CTPS1: variants seen among roughly 807,000 people sequenced by gnomAD.
The protein encoded by CTPS1 is CTP synthetase 1.
CTPS1 carries 25 observed loss-of-function variants against 80.5 expected under a neutral mutation model. The observed-to-expected ratio is 0.31, with a 90% CI of 0.23 to 0.43. The LOEUF is 0.43. Ranked by LOEUF, CTPS1 falls within the 20% of genes least tolerant of loss-of-function variation. CTPS1 has a pLI of 1.00. For missense variants in CTPS1, 442 were observed against 725.7 expected, an observed-to-expected ratio of 0.61 and a Z score of 4.49; for synonymous variants, 267 against 252.5, an observed-to-expected ratio of 1.06 and a Z score of -0.54.
intron 9 of CTPS1, among the ~76,000 whole-genome samples, chr1:40,998,480 G>A (rs1478069107): frequency 2.0e-5 from 3 of 151,010 alleles, no homozygotes; most frequent in Admixed American, 6.6e-5. Flanking sequence ...ATCTACAAGC[G>A]GTGAGACCTA....
chr1:41,003,804 C>T (rs11580414), intron 12 of CTPS1, among the ~76,000 whole-genome samples: 1 of 152,246 alleles, frequency 6.6e-6, no homozygotes, highest in Non-Finnish European at 1.5e-5. Context: ...GACTTCTCAT[C>T]TCAGTATTCT....
intron 12 of CTPS1, among the ~76,000 whole-genome samples, chr1:41,005,784 G>A (rs1180442050): frequency 6.6e-6 from 1 of 152,026 alleles, no homozygotes; most frequent in Non-Finnish European, 1.5e-5. Context: ...TGCCCCTGTA[G>A]TTTGACCTTC....
At chr1:40,981,080 A>G (rs1454204973) in intron 1 of CTPS1, 1 of 152,148 alleles carries the variant, frequency 6.6e-6, no homozygotes, top group Non-Finnish European at 1.5e-5. Context: ...CCCCCTTTAT[A>G]GTCTAAACAT....
At position 41,008,700 on chromosome 1, in the gene CTPS1, C is replaced by G; in HGVS notation, c.1435C>G (p.Arg479Gly). The G allele has an allele frequency of 6.2e-7, 1 of 1,614,112 alleles. No individual in the cohort carries two copies. The highest frequency in any genetic ancestry group is 8.5e-7 in the Non-Finnish European group (1 of 1,180,018). Residue 479 changes from arginine to glycine, a missense_variant, in exon 15 of 19, where the codon CGC (arginine) becomes GGC (glycine). By Grantham distance (125) the Arg-to-Gly change is moderately radical. Transcript: ENST00000650070. ...GDADYLEERH[R>G]HRFEVNPVWK... ...CGCAGACTACTTGGAAGAGAGGCAC[C>G]GCCACCGATTTGAGGTGAGGATTCC...
intron 1 of CTPS1, among the ~76,000 whole-genome samples, chr1:40,982,394 C>CTTTTTTTTTTTTTTTTTTTT (rs138712726): frequency 6.7e-6 from 1 of 149,374 alleles, no homozygotes; most frequent in Non-Finnish European, 1.5e-5. Context: ...AAGAGAACTA[C>CTTTTTTTTTTTTTTTTTTTT]TTTTTCTTTT....
In CTPS1 at chr1:41,001,043, G is replaced by A. The variant is rs1245545704; in HGVS notation, c.1020G>A (p.Ala340=). Residue 340 remains alanine (A), a synonymous_variant, in exon 10 of 19, where the codon GCG becomes GCA. Coordinates refer to ENST00000650070, the MANE Select transcript of CTPS1 (RefSeq NM_001905.4). ...HKLEIKYIDS[A]DLEPITSQEE... is the part of the protein sequence containing the mutation. Reference sequence around the variant, plus strand: ...ATAACATCCAGTACATAGATTCTGCGGACTTGGAGCCCATCACCTCGCAAG... The same window carrying A: ...ATAACATCCAGTACATAGATTCTGCAGACTTGGAGCCCATCACCTCGCAAG... 4 of 1,611,504 alleles carry A rather than the reference G, an allele frequency of 2.5e-6. No individual in the cohort carries two copies. The highest frequency in any genetic ancestry group is 1.3e-5 in the African/African-American group (1 of 74,742).
chr1:40,995,883 G>T (rs1188775253), intron 7 of CTPS1, 34 bp from the exon 8 acceptor site: 1 of 1,598,394 alleles, frequency 6.3e-7, no homozygotes, highest in South Asian at 1.1e-5. Flanking sequence ...GTGAGTTTTT[G>T]CTTTTATTTA....
intron 1 of CTPS1, among the ~76,000 whole-genome samples, chr1:40,981,694 G>A (rs16827810): frequency 0.18 from 27,653 of 152,072 alleles, 2,618 homozygotes; most frequent in Middle Eastern, 0.29. Context: ...TTTAATCAGC[G>A]TTTCTCTGAT....
intron 7 of CTPS1, among the ~76,000 whole-genome samples, chr1:40,993,774 C>CTTTTTTTTTTTTTTTTTT (rs71278720): frequency 1.2e-5 from 1 of 85,770 alleles, no homozygotes; most frequent in Non-Finnish European, 2.2e-5. Flanking sequence ...TTTCTTCTCT[C>CTTTTTTTTTTTTTTTTTT]TTTTTTTTTT....
chr1:40,987,621 G>A (rs1642489347), intron 4 of CTPS1, 149 bp downstream of exon 4: 1 of 648,728 alleles, frequency 1.5e-6, no homozygotes, highest in Non-Finnish European at 2.8e-6. Context: ...ACAGTTAACA[G>A]TCATGTGGAA....
chr1:40,992,204 C>G (rs935993809), intron 7 of CTPS1, among the ~76,000 whole-genome samples: 8 of 152,238 alleles, frequency 5.3e-5, no homozygotes, highest in African/African-American at 9.6e-5. Flanking sequence ...TCTCATCCTT[C>G]AGGTTCTAGC....
At chr1:40,994,129 T>C (rs1485097279) in intron 7 of CTPS1, among the ~76,000 whole-genome samples, 1 of 152,078 alleles carries the variant, frequency 6.6e-6, no homozygotes, top group African/African-American at 2.4e-5. Flanking sequence ...TAAATTTCGA[T>C]GAAGTCCAAT....
At chr1:41,009,032 T>C (rs1643103609) in intron 16 of CTPS1, 142 bp downstream of exon 16, 3 of 711,050 alleles carry the variant, frequency 4.2e-6, no homozygotes, top group Non-Finnish European at 7.3e-6. Flanking sequence ...GGGGTCTTGA[T>C]AAACATGGGG....
intron 9 of CTPS1, 138 bp downstream of exon 9, chr1:40,997,664 A>G (rs1642790566): frequency 8.9e-7 from 1 of 1,120,572 alleles, no homozygotes; most frequent in Admixed American, 3.2e-5. Context: ...GATTAAAAAG[A>G]TTTGTGGTTG....
intron 3 of CTPS1, among the ~76,000 whole-genome samples, chr1:40,986,440 C>A (rs1436599530): frequency 6.6e-6 from 1 of 152,140 alleles, no homozygotes; most frequent in African/African-American, 2.4e-5. Flanking sequence ...GTCGCTGGGC[C>A]GCAGCAAGAA....
At chr1:41,011,176 A>C (rs964633161) in intron 18 of CTPS1, among the ~76,000 whole-genome samples, 1 of 152,186 alleles carries the variant, frequency 6.6e-6, no homozygotes, top group Non-Finnish European at 1.5e-5. Context: ...GCATAGCCTA[A>C]GTAGGTGGTG....
intron 8 of CTPS1, 27 bp from the exon 9 acceptor site, chr1:40,997,367 G>A (rs1451627772): frequency 6.2e-7 from 1 of 1,606,688 alleles, no homozygotes; most frequent in East Asian, 2.2e-5. Flanking sequence ...CTGAGTAATT[G>A]GGTTTTTCTT....
At chr1:40,985,516 G>C (rs1642429671) in intron 3 of CTPS1, among the ~76,000 whole-genome samples, 1 of 152,150 alleles carries the variant, frequency 6.6e-6, no homozygotes, top group Non-Finnish European at 1.5e-5. Flanking sequence ...TCTATTTGCT[G>C]TTTTGGGGTT....
intron 7 of CTPS1, among the ~76,000 whole-genome samples, chr1:40,994,747 G>T (rs913000209): frequency 6.6e-6 from 1 of 152,090 alleles, no homozygotes; most frequent in African/African-American, 2.4e-5. Context: ...GGCCATTCTG[G>T]CCTTGTTCTG....
Sources: allele counts gnomAD v4.1 joint callset (sites outside exome capture counted in the v4.1 genomes callset), GRCh38; gene constraint gnomAD v4.1.1; transcripts MANE v1.5; gene names NCBI Gene and HGNC (gene_info 2026-07-23, HGNC 2026-07-21).